The following MAMDC2 variants were observed in gnomAD, a reference collection of about 807,000 sequenced individuals.
MAMDC2 encodes MAM domain containing 2, also known as MAM domain-containing protein 2.
A neutral mutation model predicts 89.8 loss-of-function variants in MAMDC2; 57 were observed. The observed-to-expected ratio is 0.63, with a 90% confidence interval of 0.51 to 0.79. The LOEUF (loss-of-function observed/expected upper bound fraction) is 0.79. Ranked by LOEUF, MAMDC2 falls within the 30% of genes least tolerant of loss-of-function variation. The pLI, the probability that MAMDC2 is intolerant of heterozygous loss-of-function variation, is 0.00. For missense variants in MAMDC2, 800 were observed against 820.6 expected, an observed-to-expected ratio of 0.97 and a Z score of 0.31; for synonymous variants, 313 against 293.4, an observed-to-expected ratio of 1.07 and a Z score of -0.68.
chr9:70,140,074 T>C, intron 7 of MAMDC2, 71 bp from the exon 8 acceptor site: 1 of 1,434,982 alleles, frequency 7.0e-7, no homozygotes, highest in South Asian at 1.6e-5. Flanking sequence ...TATATAAATA[T>C]CTGTCAACCA....
rs1826670016 is a variant in MAMDC2 at position 70,044,065 on chromosome 9, C to T, written c.-133C>T. The T allele has an allele frequency of 1.9e-6, 2 of 1,070,878 alleles. No individual in the cohort carries two copies. The highest frequency in any genetic ancestry group is 2.0e-5 in the Admixed American group (1 of 50,992). The allele number at this position is 1,070,878 out of a possible 1,614,324, so 66.3% of individuals were successfully genotyped here. A position where few individuals can be genotyped will look rare whatever the true frequency, so the allele number is the denominator to read the frequency against. On this transcript the variant is annotated 5_prime_UTR_variant, in exon 1 of 14. Transcript: ENST00000377182. ...AAAGTTGGGCAGCTCAGAGCGCAAG[C>T]TTTGCCTCTCGACTTCTCCCTCCTT...
At chr9:70,152,080 T>C (rs59836712) in intron 9 of MAMDC2, among the ~76,000 whole-genome samples, 18,139 of 152,186 alleles carry the variant, frequency 0.12, 1,186 homozygotes, top group African/African-American at 0.16. Flanking sequence ...TCTCCAGTTA[T>C]TTCCCTCACT....
intron 11 of MAMDC2, among the ~76,000 whole-genome samples, chr9:70,207,332 T>C (rs982861689): frequency 1.3e-5 from 2 of 152,114 alleles, no homozygotes; most frequent in African/African-American, 4.8e-5. Context: ...CTAACTGGTG[T>C]GAGATGGTAT....
chr9:70,111,127 AGCTTGTGAACGACAG>A (rs544569965), intron 4 of MAMDC2, among the ~76,000 whole-genome samples: 1 of 152,330 alleles, frequency 6.6e-6, no homozygotes, highest in East Asian at 1.9e-4. Flanking sequence ...GCATCTGCAC[AGCTTGTGAACGACAG>A]GGAAGTCAGA....
At chr9:70,214,200 G>T (rs2033405508) in intron 11 of MAMDC2, among the ~76,000 whole-genome samples, 1 of 152,138 alleles carries the variant, frequency 6.6e-6, no homozygotes, top group Non-Finnish European at 1.5e-5. Context: ...ATAAATTAGG[G>T]TATAAGGAAT....
At chr9:70,181,162 A>G (rs1172762024) in intron 11 of MAMDC2, among the ~76,000 whole-genome samples, 2 of 152,150 alleles carry the variant, frequency 1.3e-5, no homozygotes, top group Non-Finnish European at 2.9e-5. Flanking sequence ...ATATGGTTGC[A>G]GATGTGTGGT....
At position 70,146,259 on chromosome 9, in the gene MAMDC2, C is replaced by T. The variant is rs1467362778; in HGVS notation, c.1404+2440C>T. ...AAGCCGCCCAGCAACTGCACAGTTC[C>T]CCACAACCACTTAGGGAAAAATGGA... On this transcript the variant is annotated intron_variant, in intron 9 of 13. Transcript: ENST00000377182. Among the ~76,000 whole-genome samples the T allele has an allele frequency of 1.2e-4, 19 of 152,138 alleles. 1 individual carries two copies. Among genetic ancestry groups the T allele is most frequent in the Admixed American group, 1.2e-3 (19 of 15,278 alleles).
chr9:70,100,021 A>C (rs113546065), intron 2 of MAMDC2, among the ~76,000 whole-genome samples: 17 of 144,524 alleles, frequency 1.2e-4, no homozygotes, highest in East Asian at 1.0e-3. Context: ...AGAGAGAGAG[A>C]GAGCACAAGC....
intron 11 of MAMDC2, chr9:70,172,792 C>T (rs2032390197): frequency 6.5e-6 from 1 of 153,030 alleles, no homozygotes; most frequent in African/African-American, 2.4e-5. Flanking sequence ...TAGCATTGGC[C>T]CAAAGGCAGA....
chr9:70,053,407 G>A (rs963946170), intron 2 of MAMDC2, among the ~76,000 whole-genome samples: 3 of 152,172 alleles, frequency 2.0e-5, no homozygotes, highest in African/African-American at 7.2e-5. Flanking sequence ...AAGCATCTAA[G>A]TGTCTACTAT....
At chr9:70,071,543 G>A (rs527284973) in intron 2 of MAMDC2, 5 of 152,238 alleles carry the variant, frequency 3.3e-5, no homozygotes, top group South Asian at 4.2e-4. Context: ...TAATGAAGGC[G>A]GTGGAGACAC....
intron 12 of MAMDC2, among the ~76,000 whole-genome samples, chr9:70,221,409 T>TAGAGAGAGAGAGAGAGA (rs2033563699): frequency 1.7e-5 from 1 of 58,108 alleles, no homozygotes; most frequent in Non-Finnish European, 3.3e-5. Context: ...AGAGAGAGAG[T>TAGAGAGAGAGAGAGAGA]AACATCAGAT....
chr9:70,130,478 G>A (rs1323022217), intron 6 of MAMDC2, among the ~76,000 whole-genome samples: 2 of 152,182 alleles, frequency 1.3e-5, no homozygotes, highest in African/African-American at 4.8e-5. Flanking sequence ...ATACCTGGGT[G>A]GTTTTTCCAG....
chr9:70,211,203 A>G (rs989434623), intron 11 of MAMDC2, among the ~76,000 whole-genome samples: 3 of 152,194 alleles, frequency 2.0e-5, no homozygotes, highest in African/African-American at 7.2e-5. Context: ...TCTCCTGGAT[A>G]ATATCCTGAA....
intron 7 of MAMDC2, among the ~76,000 whole-genome samples, chr9:70,137,466 A>G (rs903128999): frequency 1.3e-5 from 2 of 152,134 alleles, no homozygotes; most frequent in African/African-American, 4.8e-5. Flanking sequence ...AATGTTTCCA[A>G]TTGCCCCAAT....
At chr9:70,207,020 A>T (rs1239282144) in intron 11 of MAMDC2, among the ~76,000 whole-genome samples, 1 of 152,202 alleles carries the variant, frequency 6.6e-6, no homozygotes, top group Non-Finnish European at 1.5e-5. Context: ...TTCTTAATCC[A>T]GTCTATCATT....
At chr9:70,180,592 G>A (rs1193888468) in intron 11 of MAMDC2, among the ~76,000 whole-genome samples, 5 of 152,098 alleles carry the variant, frequency 3.3e-5, no homozygotes, top group African/African-American at 9.7e-5. Context: ...TTGTGTTTTT[G>A]ATTTGCATTT....
chr9:70,206,633 T>C (rs2033229100), intron 11 of MAMDC2, among the ~76,000 whole-genome samples: 1 of 152,054 alleles, frequency 6.6e-6, no homozygotes, highest in Non-Finnish European at 1.5e-5. Flanking sequence ...ATATATCTTT[T>C]TTTATTATTA....
intron 2 of MAMDC2, among the ~76,000 whole-genome samples, chr9:70,072,480 G>A (rs1010797845): frequency 6.6e-6 from 1 of 152,138 alleles, no homozygotes; most frequent in African/African-American, 2.4e-5. Context: ...GTATCTAATA[G>A]AATAATAGTA....
Sources: allele counts gnomAD v4.1 joint callset (sites outside exome capture counted in the v4.1 genomes callset), GRCh38; gene constraint gnomAD v4.1.1; transcripts MANE v1.5; gene names NCBI Gene and HGNC (gene_info 2026-07-23, HGNC 2026-07-21).